Variants in PKP1 observed in about 807,000 individuals in gnomAD.
PKP1 encodes the protein plakophilin 1.
Under a neutral mutation model 76.4 loss-of-function variants are expected in PKP1, and 27 were observed. The ratio of observed to expected loss-of-function variants is 0.35; its 90% CI spans 0.26 to 0.49. The LOEUF (loss-of-function observed/expected upper bound fraction) is 0.49, where lower values mean the gene tolerates loss of function less well. Ranked by LOEUF, PKP1 falls within the 20% of genes least tolerant of loss-of-function variation. The pLI, the probability that PKP1 is intolerant of heterozygous loss-of-function variation, is 0.99. For synonymous variants in PKP1, 404 were observed against 384.2 expected, an observed-to-expected ratio of 1.05 and a Z score of -0.60; for missense variants, 964 against 955.2, an observed-to-expected ratio of 1.01 and a Z score of -0.12.
intron 2 of PKP1, among the ~76,000 whole-genome samples, chr1:201,310,904 C>T (rs892990078): frequency 1.3e-5 from 2 of 152,232 alleles, no homozygotes; most frequent in Non-Finnish European, 2.9e-5. Context: ...GGGCAGCCCA[C>T]CCTTGCTGAG....
chr1:201,321,524 T>C (rs1165090562), intron 7 of PKP1, among the ~76,000 whole-genome samples: 1 of 151,934 alleles, frequency 6.6e-6, no homozygotes, highest in African/African-American at 2.4e-5. Flanking sequence ...GGGCACTAGA[T>C]GGCTTTGGAA....
At chr1:201,286,226 G>A (rs951641953) in intron 1 of PKP1, among the ~76,000 whole-genome samples, 1 of 152,156 alleles carries the variant, frequency 6.6e-6, no homozygotes, top group Non-Finnish European at 1.5e-5. Flanking sequence ...TGCCCCAGGC[G>A]TTTTCCCTCG....
At chr1:201,303,123 CA>C (rs1656284542) in intron 2 of PKP1, among the ~76,000 whole-genome samples, 1 of 152,204 alleles carries the variant, frequency 6.6e-6, no homozygotes, top group Admixed American at 6.5e-5. Context: ...AAAATCATAC[CA>C]ACTATTATTT....
At position 201,331,764 on chromosome 1, in the gene PKP1, T is replaced by C. The variant is rs1181705310; in HGVS notation, c.*1723T>C. The C allele has an allele frequency of 6.6e-6, 1 of 151,834 alleles. No individual in the cohort carries two copies. The highest frequency in any genetic ancestry group is 2.4e-5 in the African/African-American group (1 of 41,282). The allele number at this position is 151,834 out of a possible 1,614,324, so 9.4% of individuals were successfully genotyped here. A position where few individuals can be genotyped will look rare whatever the true frequency, so the allele number is the denominator to read the frequency against. ...TGTGAGGACGCTGTCCTCCGAGAGG[T>C]GTCCCCGGCTGTTAGCCAGCTGTGC... On this transcript the variant is annotated 3_prime_UTR_variant, in exon 14 of 14. Transcript: ENST00000367324.
intron 1 of PKP1, 55 bp from the exon 2 acceptor site, chr1:201,293,887 G>A (rs1655998011): frequency 8.6e-7 from 1 of 1,166,834 alleles, no homozygotes; most frequent in East Asian, 2.5e-5. Context: ...CTGAGGAACA[G>A]GGGTGGATGA....
intron 2 of PKP1, among the ~76,000 whole-genome samples, chr1:201,312,138 G>A (rs540307561): frequency 3.9e-5 from 6 of 152,324 alleles, no homozygotes; most frequent in African/African-American, 7.2e-5. Flanking sequence ...ATGTGTGCAC[G>A]CAGGCCCCTA....
At chr1:201,285,357 A>G (rs969838448) in intron 1 of PKP1, among the ~76,000 whole-genome samples, 1 of 151,686 alleles carries the variant, frequency 6.6e-6, no homozygotes, top group Non-Finnish European at 1.5e-5. Flanking sequence ...AGGGAAGGAA[A>G]ATGGCCGGCA....
At chr1:201,325,900 C>A in intron 12 of PKP1, 62 bp downstream of exon 12, 1 of 1,290,532 alleles carries the variant, frequency 7.7e-7, no homozygotes, top group South Asian at 1.2e-5. Context: ...GAGGGCCTGG[C>A]ATATGCTGGG....
intron 2 of PKP1, among the ~76,000 whole-genome samples, chr1:201,297,906 GT>G (rs1243176880): frequency 6.6e-6 from 1 of 152,160 alleles, no homozygotes; most frequent in Non-Finnish European, 1.5e-5. Context: ...GCATTAATGG[GT>G]TTCAGGGCAG....
chr1:201,301,662 G>A (rs1656234437), intron 2 of PKP1, among the ~76,000 whole-genome samples: 1 of 151,938 alleles, frequency 6.6e-6, no homozygotes, highest in Non-Finnish European at 1.5e-5. Context: ...GAGAAGATTT[G>A]AAGAATCAAG....
At chr1:201,311,599 C>T (rs1333742019) in intron 2 of PKP1, among the ~76,000 whole-genome samples, 1 of 152,130 alleles carries the variant, frequency 6.6e-6, no homozygotes, top group Non-Finnish European at 1.5e-5. Context: ...AGGACCAAGT[C>T]GAGTGCCAGC....
At chr1:201,314,463 A>C (rs570617392) in intron 3 of PKP1, among the ~76,000 whole-genome samples, 1 of 152,092 alleles carries the variant, frequency 6.6e-6, no homozygotes, top group Non-Finnish European at 1.5e-5. Context: ...CCCTGTCTCA[A>C]ACAAACAAAC....
chr1:201,300,339 T>C (rs994045104), intron 2 of PKP1, among the ~76,000 whole-genome samples: 1 of 152,216 alleles, frequency 6.6e-6, no homozygotes, highest in Non-Finnish European at 1.5e-5. Context: ...TGGGTACTCC[T>C]TGGGAGGGGC....
At chr1:201,318,863 C>A in intron 6 of PKP1, 68 bp downstream of exon 6, 2 of 1,330,954 alleles carry the variant, frequency 1.5e-6, no homozygotes, top group Non-Finnish European at 2.1e-6. Flanking sequence ...AGCCCCATCT[C>A]AGCCAACATT....
At chr1:201,306,568 A>G (rs1358929076) in intron 2 of PKP1, among the ~76,000 whole-genome samples, 1 of 152,242 alleles carries the variant, frequency 6.6e-6, no homozygotes, top group Non-Finnish European at 1.5e-5. Context: ...TACTGGCATG[A>G]TTGAAGTATG....
chr1:201,309,407 T>C (rs1300830527), intron 2 of PKP1, among the ~76,000 whole-genome samples: 2 of 152,122 alleles, frequency 1.3e-5, no homozygotes, highest in Non-Finnish European at 2.9e-5. Flanking sequence ...CCCACTGGTC[T>C]CCCAAGTGAA....
chr1:201,317,563 T>C lies in PKP1; in HGVS notation c.847-9T>C, dbSNP rs1212783931. 1 of 1,612,442 alleles carries C rather than the reference T, an allele frequency of 6.2e-7. No individual in the cohort carries two copies. Among genetic ancestry groups the C allele is most frequent in the South Asian group, 1.1e-5 (1 of 91,020 alleles). On this transcript the variant is annotated splice_polypyrimidine_tract_variant and intron_variant, in intron 4 of 13. Transcript: ENST00000367324. ...TTGACCAGGCAGCGTGGCAACTCTTTCCTGGCAGGTCTATCAGCTGGGAGG... is the reference window on the plus strand; with the variant it reads ...TTGACCAGGCAGCGTGGCAACTCTTCCCTGGCAGGTCTATCAGCTGGGAGG...
chr1:201,300,087 G>A (rs1305181292), intron 2 of PKP1, among the ~76,000 whole-genome samples: 1 of 152,168 alleles, frequency 6.6e-6, no homozygotes, highest in Non-Finnish European at 1.5e-5. Flanking sequence ...TGGGAGATAG[G>A]AGAGTCCTAC....
rs1408857173 is a variant in PKP1, at chr1:201,318,656, G to A, written c.1093G>A (p.Glu365Lys). 6.2e-7 allele frequency: 1 copy of A among 1,612,326 alleles called. No individual in the cohort carries two copies. Among genetic ancestry groups the A allele is most frequent in the Non-Finnish European group, 8.5e-7 (1 of 1,179,938 alleles). ...CCTGTCTTCCACTGACGAGCTGAAGGAGGAACTCATTGCCGACGCCCTGCC... is the reference window on the plus strand; with the variant it reads ...CCTGTCTTCCACTGACGAGCTGAAGAAGGAACTCATTGCCGACGCCCTGCC... ...WNLSSTDELK[E>K]ELIADALPVL... Residue 365 changes from glutamate (E) to lysine (K), a missense_variant, in exon 6 of 14, where the codon GAG (glutamate) becomes AAG (lysine). Glu to Lys is a moderately conservative substitution (Grantham distance 56, BLOSUM62 1). Transcript: ENST00000367324.
Sources: allele counts gnomAD v4.1 joint callset (sites outside exome capture counted in the v4.1 genomes callset), GRCh38; gene constraint gnomAD v4.1.1; transcripts MANE v1.5; gene names NCBI Gene and HGNC (gene_info 2026-07-23, HGNC 2026-07-21).